MEIS1: variants seen among roughly 807,000 people sequenced by gnomAD.
MEIS1 encodes the protein homeobox protein Meis1.
A neutral mutation model predicts 50.8 loss-of-function variants in MEIS1; 5 were observed. That is an observed-to-expected ratio of 0.10 (90% CI 0.05 to 0.21). MEIS1 has a LOEUF of 0.21. Ranked by LOEUF, MEIS1 falls within the 10% of genes least tolerant of loss-of-function variation. MEIS1 has a pLI of 1.00. For synonymous variants in MEIS1, 176 were observed against 179.3 expected (o/e 0.98, Z 0.15); for missense variants, 318 against 517.3 (o/e 0.61, Z 3.74).
At chr2:66,494,816 G>A (rs1673358622) in intron 7 of MEIS1, among the ~76,000 whole-genome samples, 1 of 152,148 alleles carries the variant, frequency 6.6e-6, no homozygotes, top group Non-Finnish European at 1.5e-5. Context: ...TCAGCAAATT[G>A]AGTCACTTCA....
At chr2:66,561,249 T>TA (rs925603645) in intron 9 of MEIS1, among the ~76,000 whole-genome samples, 2 of 151,840 alleles carry the variant, frequency 1.3e-5, no homozygotes, top group African/African-American at 4.8e-5. Flanking sequence ...ATGCTGACTT[T>TA]AAAAAAAAGT....
intron 7 of MEIS1, among the ~76,000 whole-genome samples, chr2:66,479,344 T>A (rs1376848390): frequency 6.6e-6 from 1 of 152,208 alleles, no homozygotes; most frequent in Non-Finnish European, 1.5e-5. Context: ...GCAATAGACA[T>A]ATACGCCTTT....
intron 9 of MEIS1, among the ~76,000 whole-genome samples, chr2:66,565,517 C>A (rs970072787): frequency 1.3e-5 from 2 of 152,110 alleles, no homozygotes; most frequent in Non-Finnish European, 2.9e-5. Context: ...TGCCAGAGCA[C>A]CAGGGAGGAG....
rs1401448 is a variant in MEIS1 at position 66,474,973 on chromosome 2, G to A, written c.742+10753G>A. Among the ~76,000 whole-genome samples the A allele has an allele frequency of 6.2e-3, 940 of 151,878 alleles. 29 individuals carry two copies. The highest frequency in any genetic ancestry group is 0.051 in the Admixed American group (778 of 15,226). On this transcript the variant is annotated intron_variant, in intron 7 of 12. Transcript: ENST00000272369. ...GCAGAAAATATTGAATTTGCCAATG[G>A]GCTTGTTGCTAGGTTATTAGCATTT... is the stretch of plus-strand genomic sequence containing the variant.
At chr2:66,547,631 C>T (rs1674822324) in intron 8 of MEIS1, among the ~76,000 whole-genome samples, 1 of 152,116 alleles carries the variant, frequency 6.6e-6, no homozygotes, top group Non-Finnish European at 1.5e-5. Flanking sequence ...ATGGCTTGTC[C>T]TTATTTTAAT....
rs763548271 is a variant in MEIS1, at chr2:66,573,777, G to C, written c.*2569G>C. 1.3e-5 allele frequency: 2 copies of C among 152,346 alleles called. No homozygotes were observed. Among genetic ancestry groups the C allele is most frequent in the Non-Finnish European group, 2.9e-5 (2 of 68,036 alleles). 9.4% of individuals were successfully genotyped at this position (152,346 alleles called of 1,614,324 possible). The stretch of plus-strand genomic sequence containing the variant: ...TTCTTCCTCTACCTAAATAGTCGAT[G>C]TGAGTGAAATCATTCTCTTTTGATA... On this transcript the variant is annotated 3_prime_UTR_variant, in exon 13 of 13. Coordinates refer to ENST00000272369, the MANE Select transcript of MEIS1 (RefSeq NM_002398.3).
chr2:66,488,570 C>T (rs554682825), intron 7 of MEIS1, among the ~76,000 whole-genome samples: 7 of 151,860 alleles, frequency 4.6e-5, no homozygotes, highest in East Asian at 1.9e-4. Context: ...CCCAGCTACT[C>T]GGGAGGCTGA....
chr2:66,557,937 C>T (rs1675108966), intron 9 of MEIS1, among the ~76,000 whole-genome samples: 1 of 152,164 alleles, frequency 6.6e-6, no homozygotes, highest in African/African-American at 2.4e-5. Flanking sequence ...TCACTTTCCC[C>T]GCCACTGGGT....
At chr2:66,473,377 T>TAAA (rs1672809161) in intron 7 of MEIS1, among the ~76,000 whole-genome samples, 1 of 47,398 alleles carries the variant, frequency 2.1e-5, no homozygotes, top group African/African-American at 1.9e-4. Flanking sequence ...AGACTCCATG[T>TAAA]CAAAAAAAAA....
intron 7 of MEIS1, among the ~76,000 whole-genome samples, chr2:66,500,835 T>C (rs1673536082): frequency 6.6e-6 from 1 of 152,038 alleles, no homozygotes; most frequent in Non-Finnish European, 1.5e-5. Flanking sequence ...AAAGTGTTTG[T>C]ATATACACAC....
At chr2:66,556,673 A>G (rs867961366) in intron 9 of MEIS1, among the ~76,000 whole-genome samples, 1 of 152,102 alleles carries the variant, frequency 6.6e-6, no homozygotes, top group Non-Finnish European at 1.5e-5. Context: ...TTGTTGGCCT[A>G]TATCACTAGG....
intron 8 of MEIS1, among the ~76,000 whole-genome samples, chr2:66,542,231 T>C (rs917648315): frequency 1.3e-5 from 2 of 152,140 alleles, no homozygotes; most frequent in African/African-American, 4.8e-5. Context: ...AAAAACTCAG[T>C]AGAAGTTTTA....
At chr2:66,533,475 G>A (rs1044969410) in intron 8 of MEIS1, among the ~76,000 whole-genome samples, 1 of 150,516 alleles carries the variant, frequency 6.6e-6, no homozygotes, top group Non-Finnish European at 1.5e-5. Context: ...TGAGGCCTGA[G>A]CACATCTACA....
chr2:66,446,250 G>A (rs1280276395), intron 6 of MEIS1, among the ~76,000 whole-genome samples: 2 of 152,228 alleles, frequency 1.3e-5, no homozygotes, highest in South Asian at 4.1e-4. Flanking sequence ...CGCCAAGAGG[G>A]GTTAGGCGAG....
Position 66,571,656 on chromosome 2 carries a change from C to A in MEIS1, c.*448C>A. On this transcript the variant is annotated 3_prime_UTR_variant, in exon 13 of 13. Transcript: ENST00000272369. ...GAGCATCCCTAATTCTTCATAGGGACCTTTAAAAAGCAGGAAATACCAACT... is the reference window on the plus strand; with the variant it reads ...GAGCATCCCTAATTCTTCATAGGGAACTTTAAAAAGCAGGAAATACCAACT... 8.9e-7 allele frequency: 1 copy of A among 1,129,422 alleles called. No individual in the cohort carries two copies. Among genetic ancestry groups the A allele is most frequent in the South Asian group, 1.5e-5 (1 of 66,496 alleles). 70.0% of individuals were successfully genotyped at this position (1,129,422 alleles called of 1,614,324 possible). A position where few individuals can be genotyped will look rare whatever the true frequency, so the allele number is the denominator to read the frequency against.
intron 9 of MEIS1, among the ~76,000 whole-genome samples, chr2:66,556,195 C>T (rs926155710): frequency 9.2e-5 from 14 of 152,164 alleles, no homozygotes; most frequent in Non-Finnish European, 1.5e-5. Flanking sequence ...AGCCTGACCC[C>T]TTAATATGGA....
At chr2:66,508,937 G>T in intron 7 of MEIS1, 1 of 449,068 alleles carries the variant, frequency 2.2e-6, no homozygotes. Context: ...GGAGAAGTCA[G>T]CTCCAGGAAT....
intron 8 of MEIS1, among the ~76,000 whole-genome samples, chr2:66,540,104 C>G (rs1402949128): frequency 2.6e-5 from 4 of 152,160 alleles, no homozygotes; most frequent in Admixed American, 2.6e-4. Flanking sequence ...CTGGCCAACC[C>G]TCAGCTTCTT....
chr2:66,551,297 G>A (rs1674913919), intron 9 of MEIS1, among the ~76,000 whole-genome samples: 1 of 152,104 alleles, frequency 6.6e-6, no homozygotes, highest in Admixed American at 6.6e-5. Flanking sequence ...TATACTACCT[G>A]CCTCAGGTGG....
Sources: gnomAD v4.1 joint callset for allele counts (sites outside exome capture counted in the v4.1 genomes callset) on GRCh38, gnomAD v4.1.1 for gene constraint, MANE v1.5 for transcripts, NCBI Gene and HGNC (gene_info 2026-07-23, HGNC 2026-07-21) for gene names.